Variants in GCN1 observed in about 807,000 individuals in gnomAD.
GCN1 encodes the protein stalled ribosome sensor GCN1.
Under a neutral mutation model 288.4 loss-of-function variants are expected in GCN1, and 90 were observed. The observed-to-expected ratio is 0.31, with a 90% confidence interval of 0.26 to 0.37. The LOEUF (loss-of-function observed/expected upper bound fraction) is 0.37, where lower values mean the gene tolerates loss of function less well. Ranked by LOEUF, GCN1 falls within the 10% of genes least tolerant of loss-of-function variation. The probability of loss-of-function intolerance (pLI) is 1.00; values close to 1 mark genes in which losing one functional copy is unlikely to be tolerated. For missense variants in GCN1, 2,586 were observed against 3,419.9 expected (o/e 0.76, Z 6.08); for synonymous variants, 1,386 against 1,420.2 (o/e 0.98, Z 0.54).
At position 120,156,675 on chromosome 12, in the gene GCN1, C is replaced by A; in HGVS notation, c.3169-71G>T. On this transcript the variant is annotated intron_variant, in intron 27 of 57. Coordinates refer to ENST00000300648, the MANE Select transcript of GCN1 (RefSeq NM_006836.2). The surrounding 1 kb of genome is among the most constrained non-coding windows in gnomAD (Gnocchi z 5.8). Reference sequence around the variant, plus strand: ...TACTAGGGGGCCAGAGAGGGATATGCACTGAGAACACCCACCCCTACAGCA... The same window carrying A: ...TACTAGGGGGCCAGAGAGGGATATGAACTGAGAACACCCACCCCTACAGCA... The A allele has an allele frequency of 1.4e-6, 2 of 1,461,138 alleles. No individual in the cohort carries two copies. Among genetic ancestry groups the A allele is most frequent in the Non-Finnish European group, 1.9e-6 (2 of 1,051,758 alleles). 90.5% of individuals were successfully genotyped at this position (1,461,138 alleles called of 1,614,324 possible).
chr12:120,132,305 CTG>C (rs3214221), intron 53 of GCN1, among the ~76,000 whole-genome samples: 58,645 of 151,862 alleles, frequency 0.39, 13,618 homozygotes, highest in South Asian at 0.62. Context: ...GCAGTAATAA[CTG>C]TATTTACATA....
Position 120,155,121 on chromosome 12 carries a change from C to A in GCN1, c.3631-81G>T. 1 of 1,515,760 alleles carries A rather than the reference C, an allele frequency of 6.6e-7. No homozygotes were observed. Among genetic ancestry groups the A allele is most frequent in the Non-Finnish European group, 9.2e-7 (1 of 1,090,730 alleles). 93.9% of individuals were successfully genotyped at this position (1,515,760 alleles called of 1,614,324 possible). A position where few individuals can be genotyped will look rare whatever the true frequency, so the allele number is the denominator to read the frequency against. ...CCAGGATTGTGAGGCAGGAAACTAG[C>A]CGCAGCTACCCTGAGCCACCGTGAG... On this transcript the variant is annotated intron_variant, in intron 30 of 57. Transcript: ENST00000300648. The surrounding 1 kb of genome is among the most constrained non-coding windows in gnomAD (Gnocchi z 4.9).
At chr12:120,151,498 C>T (rs964845905) in intron 33 of GCN1, 107 bp from the exon 34 acceptor site, 6 of 1,160,136 alleles carry the variant, frequency 5.2e-6, no homozygotes, top group African/African-American at 1.5e-5. Context: ...TGTCCCAAGC[C>T]CCATCTCAGC....
At chr12:120,147,804 A>C (rs934808139) in intron 37 of GCN1, among the ~76,000 whole-genome samples, 2 of 152,168 alleles carry the variant, frequency 1.3e-5, no homozygotes, top group African/African-American at 4.8e-5. Flanking sequence ...CCAGTACTTG[A>C]GAAAGAACCA....
chr12:120,149,769 G>A, intron 35 of GCN1, 49 bp from the exon 36 acceptor site: 1 of 1,552,670 alleles, frequency 6.4e-7, no homozygotes, highest in Non-Finnish European at 8.9e-7. Flanking sequence ...CCAAGCAAGG[G>A]GCAAGGCCTG....
At chr12:120,183,055 A>G (rs918725292) in intron 5 of GCN1, among the ~76,000 whole-genome samples, 4 of 152,082 alleles carry the variant, frequency 2.6e-5, no homozygotes, top group African/African-American at 9.7e-5. Context: ...GTGAGCAGAC[A>G]TGGGGAAAGA....
intron 1 of GCN1, 63 bp downstream of exon 1, chr12:120,194,617 G>A: frequency 6.8e-7 from 1 of 1,461,446 alleles, no homozygotes; most frequent in Non-Finnish European, 9.2e-7. Context: ...GAGGGGCCCC[G>A]CCCGACGGCC....
At chr12:120,164,610 T>A (rs781494548) in intron 17 of GCN1, 36 bp downstream of exon 17, 2 of 1,605,692 alleles carry the variant, frequency 1.2e-6, no homozygotes, top group Non-Finnish European at 1.7e-6. Context: ...TTTGCCTCAT[T>A]TGGCCCAAAA....
chr12:120,191,567 C>T (rs1026673329), intron 1 of GCN1, among the ~76,000 whole-genome samples: 4 of 152,184 alleles, frequency 2.6e-5, no homozygotes, highest in African/African-American at 9.6e-5. Flanking sequence ...AAGAGTCAAG[C>T]GTACACACAG....
chr12:120,143,607 C>T (rs1314770039), intron 42 of GCN1, among the ~76,000 whole-genome samples: 1 of 147,052 alleles, frequency 6.8e-6, no homozygotes, highest in Non-Finnish European at 1.5e-5. Context: ...AAAAAAAAGA[C>T]CACTGTATGA....
chr12:120,159,019 A>C (rs1053495658), intron 24 of GCN1, among the ~76,000 whole-genome samples: 8 of 152,086 alleles, frequency 5.3e-5, no homozygotes, highest in African/African-American at 1.7e-4. Flanking sequence ...CTCAAAAAAA[A>C]AAAAAAAAAT....
intron 34 of GCN1, among the ~76,000 whole-genome samples, chr12:120,150,816 G>A (rs945596689): frequency 3.3e-5 from 5 of 151,212 alleles, no homozygotes; most frequent in African/African-American, 7.3e-5. Context: ...GGGCGCCTGT[G>A]GTCCCAGCTA....
At chr12:120,147,383 C>T in intron 37 of GCN1, 111 bp from the exon 38 acceptor site, 1 of 493,068 alleles carries the variant, frequency 2.0e-6, no homozygotes. Context: ...GGCACACCTC[C>T]TCCCTGAAAC....
intron 45 of GCN1, among the ~76,000 whole-genome samples, chr12:120,140,492 A>G (rs1181457322): frequency 6.6e-6 from 1 of 152,156 alleles, no homozygotes; most frequent in Non-Finnish European, 1.5e-5. Context: ...ACCCACTCAC[A>G]CAGCTGTCCA....
chr12:120,136,761 A>C, intron 50 of GCN1, 29 bp from the exon 51 acceptor site: 1 of 1,548,680 alleles, frequency 6.5e-7, no homozygotes, highest in Non-Finnish European at 8.9e-7. Flanking sequence ...CTGAGAGTCA[A>C]ATCTCAAACA....
Position 120,162,844 on chromosome 12 carries a change from C to G in GCN1, c.2163+3G>C. ...AGGCCAGACCAGCTCATGTGCCCGT[C>G]ACCTGGTTTAGGGGACTCTGTGTGG... On this transcript the variant is annotated splice_donor_region_variant and intron_variant, in intron 20 of 57. Transcript: ENST00000300648. The G allele has an allele frequency of 6.2e-7, 1 of 1,613,746 alleles. No homozygotes were observed. Among genetic ancestry groups the G allele is most frequent in the Non-Finnish European group, 8.5e-7 (1 of 1,179,878 alleles).
At chr12:120,129,147 A>T in intron 57 of GCN1, 129 bp downstream of exon 57, 1 of 799,704 alleles carries the variant, frequency 1.3e-6, no homozygotes, top group Non-Finnish European at 2.1e-6. Context: ...CCAAATCTTA[A>T]TCTGCTCCTG....
intron 12 of GCN1, among the ~76,000 whole-genome samples, chr12:120,174,920 G>A (rs1455036287): frequency 6.6e-6 from 1 of 151,590 alleles, no homozygotes; most frequent in Non-Finnish European, 1.5e-5. Context: ...GACGCCAGGA[G>A]TTCAAGACCA....
At chr12:120,182,834 G>C in intron 5 of GCN1, among the ~76,000 whole-genome samples, 1 of 151,910 alleles carries the variant, frequency 6.6e-6, no homozygotes, top group African/African-American at 2.4e-5. Flanking sequence ...CAGCCACTCG[G>C]GAGGCTGAGG....
Sources: gnomAD v4.1 joint callset for allele counts (sites outside exome capture counted in the v4.1 genomes callset) on GRCh38, gnomAD v4.1.1 for gene constraint, Gnocchi (gnomAD v3.1) non-coding constraint, MANE v1.5 for transcripts, NCBI Gene and HGNC (gene_info 2026-07-23, HGNC 2026-07-21) for gene names.